The following DNAJC5B variants were observed in gnomAD, a reference collection of about 807,000 sequenced individuals.
DNAJC5B encodes DnaJ heat shock protein family (Hsp40) member C5 beta, also known as dnaJ homolog subfamily C member 5B.
In DNAJC5B, 23 loss-of-function variants were observed where a neutral mutation model predicts 24.7. The observed-to-expected ratio is 0.93, with a 90% CI of 0.67 to 1.32. The LOEUF is 1.32. DNAJC5B is among the 40% of genes most tolerant of loss of function. DNAJC5B has a pLI of 0.00. For missense variants in DNAJC5B, 238 were observed against 240.8 expected, an observed-to-expected ratio of 0.99 and a Z score of 0.08; for synonymous variants, 101 against 90.1, an observed-to-expected ratio of 1.12 and a Z score of -0.68.
At chr8:66,034,142 T>A (rs913954173) in intron 1 of DNAJC5B, among the ~76,000 whole-genome samples, 20 of 151,582 alleles carry the variant, frequency 1.3e-4, no homozygotes, top group African/African-American at 4.6e-4. Flanking sequence ...ACACACTTTG[T>A]TAACAAGGGA....
intron 1 of DNAJC5B, among the ~76,000 whole-genome samples, chr8:66,036,169 G>A (rs1270084596): frequency 6.6e-6 from 1 of 152,200 alleles, no homozygotes; most frequent in Admixed American, 6.5e-5. Flanking sequence ...GCTCTGAGAG[G>A]TGGAGGACAT....
At chr8:66,015,575 C>T in the DNAJC5B span, among the ~76,000 whole-genome samples, 83 of 149,152 alleles carry the variant, frequency 5.6e-4, 1 homozygote, top group African/African-American at 1.9e-3. Context: ...GAGAGAGAGA[C>T]AGAGACAGAG....
upstream of DNAJC5B, among the ~76,000 whole-genome samples, chr8:66,017,822 C>T: frequency 6.6e-6 from 1 of 152,130 alleles, no homozygotes; most frequent in Non-Finnish European, 1.5e-5. Flanking sequence ...TTCTGTTTAA[C>T]CTTGAAGTAT....
intron 3 of DNAJC5B, among the ~76,000 whole-genome samples, chr8:66,067,509 T>C (rs565031297): frequency 6.6e-6 from 1 of 152,276 alleles, no homozygotes; most frequent in South Asian, 2.1e-4. Context: ...TTGTAAGTCA[T>C]GAATCTGGGA....
chr8:66,022,584 G>A (rs993690699), intron 1 of DNAJC5B, among the ~76,000 whole-genome samples: 2 of 152,208 alleles, frequency 1.3e-5, no homozygotes, highest in African/African-American at 4.8e-5. Context: ...GACCCCAACA[G>A]CCATCGACAA....
chr8:66,087,988 T>C (rs1807765571), intron 5 of DNAJC5B, among the ~76,000 whole-genome samples: 1 of 152,198 alleles, frequency 6.6e-6, no homozygotes, highest in African/African-American at 2.4e-5. Flanking sequence ...GTAGGGACTG[T>C]GTGTGGGGGC....
At chr8:66,051,202 A>G (rs563134439) in intron 2 of DNAJC5B, among the ~76,000 whole-genome samples, 16 of 152,324 alleles carry the variant, frequency 1.1e-4, no homozygotes, top group Admixed American at 3.9e-4. Context: ...CCAGAAAAAA[A>G]TGAAAGACCA....
At chr8:66,024,243 G>T (rs957626710) in intron 1 of DNAJC5B, among the ~76,000 whole-genome samples, 1 of 152,064 alleles carries the variant, frequency 6.6e-6, no homozygotes, top group South Asian at 2.1e-4. Context: ...TTCCATCATG[G>T]CATAGGCTTT....
chr8:66,085,816 G>T (rs1807712030), intron 5 of DNAJC5B, among the ~76,000 whole-genome samples: 1 of 151,858 alleles, frequency 6.6e-6, no homozygotes, highest in Non-Finnish European at 1.5e-5. Flanking sequence ...GAATCAAGTT[G>T]TCTATATCTA....
At position 66,034,180 on chromosome 8, in the gene DNAJC5B, G is replaced by A. The variant is rs575309389; in HGVS notation, c.-141-9308G>A. On this transcript the variant is annotated intron_variant, in intron 1 of 5. Transcript: ENST00000276570. Reference sequence around the variant, plus strand: ...ATTCTCTCTATTGTTGTTGTTTTGTGTGTGTGTGTGTGTGTGTGTGTGTGT... The same window carrying A: ...ATTCTCTCTATTGTTGTTGTTTTGTATGTGTGTGTGTGTGTGTGTGTGTGT... 4.0e-5 allele frequency among the ~76,000 whole-genome samples: 6 copies of A among 149,072 alleles called. No individual in the cohort carries two copies. The East Asian group carries it at 1.2e-3, about 31-fold the overall frequency.
At chr8:66,041,793 T>C (rs376697910) in intron 1 of DNAJC5B, among the ~76,000 whole-genome samples, 6 of 152,242 alleles carry the variant, frequency 3.9e-5, no homozygotes, top group African/African-American at 1.4e-4. Flanking sequence ...ACGTGGAATA[T>C]GATCCCATTG....
At chr8:66,071,362 C>A (rs1012180121) in intron 3 of DNAJC5B, among the ~76,000 whole-genome samples, 1 of 151,944 alleles carries the variant, frequency 6.6e-6, no homozygotes, top group African/African-American at 2.4e-5. Flanking sequence ...AAGAAAAAAA[C>A]AAACAACCCC....
chr8:66,062,261 T>C (rs979821449), intron 3 of DNAJC5B, among the ~76,000 whole-genome samples: 4 of 152,238 alleles, frequency 2.6e-5, no homozygotes, highest in Non-Finnish European at 5.9e-5. Flanking sequence ...ATAATTAGTT[T>C]GGTCACTTTG....
chr8:66,069,615 A>G (rs1807301432), intron 3 of DNAJC5B, among the ~76,000 whole-genome samples: 2 of 152,246 alleles, frequency 1.3e-5, no homozygotes, highest in Admixed American at 6.5e-5. Flanking sequence ...TTCACAGCCA[A>G]ATTCTACCAG....
At chr8:66,032,343 G>A (rs1438135546) in intron 1 of DNAJC5B, among the ~76,000 whole-genome samples, 1 of 152,256 alleles carries the variant, frequency 6.6e-6, no homozygotes, top group Non-Finnish European at 1.5e-5. Context: ...GAGTGCAGCT[G>A]GGAGCCTGGA....
intron 1 of DNAJC5B, among the ~76,000 whole-genome samples, chr8:66,036,723 G>C (rs965921929): frequency 1.3e-5 from 2 of 152,172 alleles, no homozygotes; most frequent in African/African-American, 4.8e-5. Flanking sequence ...CCTTGCTTTA[G>C]GACTGAAATC....
intron 5 of DNAJC5B, among the ~76,000 whole-genome samples, chr8:66,085,209 G>T (rs1807694556): frequency 6.6e-6 from 1 of 152,140 alleles, no homozygotes; most frequent in South Asian, 2.1e-4. Context: ...GGAGGCGGAG[G>T]CTGGTGGATC....
At chr8:66,099,487 G>A (rs1808026761) in intron 5 of DNAJC5B, among the ~76,000 whole-genome samples, 1 of 152,116 alleles carries the variant, frequency 6.6e-6, no homozygotes, top group Non-Finnish European at 1.5e-5. Context: ...TCCCAACAAG[G>A]GCCAGTCATC....
chr8:66,060,925 G>C (rs1463985160), intron 3 of DNAJC5B, among the ~76,000 whole-genome samples: 1 of 152,176 alleles, frequency 6.6e-6, no homozygotes, highest in African/African-American at 2.4e-5. Context: ...GCCAGGGGAA[G>C]GGGGAGGCTT....
Sources: allele counts gnomAD v4.1 joint callset (sites outside exome capture counted in the v4.1 genomes callset), GRCh38; gene constraint gnomAD v4.1.1; transcripts MANE v1.5; gene names NCBI Gene and HGNC (gene_info 2026-07-23, HGNC 2026-07-21).